Variants in MMP20 observed in about 807,000 individuals in gnomAD.
MMP20 encodes the protein matrix metallopeptidase 20.
A neutral mutation model predicts 51.8 loss-of-function variants in MMP20; 50 were observed. That is an observed-to-expected ratio of 0.97 (90% CI 0.77 to 1.22). MMP20 has a LOEUF of 1.22. Among genes scored for constraint, MMP20 ranks in the 50% most tolerant of loss-of-function variants. MMP20 has a pLI of 0.00. For synonymous variants in MMP20, 244 were observed against 216.2 expected, an observed-to-expected ratio of 1.13 and a Z score of -1.13; for missense variants, 663 against 601.4, an observed-to-expected ratio of 1.10 and a Z score of -1.07.
intron 8 of MMP20, 96 bp downstream of exon 8, chr11:102,593,343 C>CA: frequency 7.2e-7 from 1 of 1,390,606 alleles, no homozygotes; most frequent in Non-Finnish European, 1.0e-6. Context: ...GGGCCTATCG[C>CA]AAACTTGCTT....
At chr11:102,588,981 G>A (rs1859283786) in intron 8 of MMP20, among the ~76,000 whole-genome samples, 1 of 152,106 alleles carries the variant, frequency 6.6e-6, no homozygotes, top group Non-Finnish European at 1.5e-5. Context: ...ACATTGCTAG[G>A]GGAGTGTTAT....
At chr11:102,606,033 C>A (rs999527316) in intron 6 of MMP20, among the ~76,000 whole-genome samples, 5 of 152,206 alleles carry the variant, frequency 3.3e-5, no homozygotes, top group African/African-American at 7.2e-5. Flanking sequence ...ATCCATCCAT[C>A]CATCCATCCT....
In MMP20 at chr11:102,594,771, CAAAAA is replaced by C. The variant is rs144425539; in HGVS notation, c.954-19_954-15del. ...CTCCAGAAAATCCTATGGGACATTC[CAAAAA>C]AAAAAAAAAAAAAAATCAAGATCAA... On this transcript the variant is annotated splice_polypyrimidine_tract_variant and intron_variant, in intron 6 of 9. Coordinates refer to ENST00000260228, the MANE Select transcript of MMP20 (RefSeq NM_004771.4). The C allele has an allele frequency of 1.5e-4, 214 of 1,401,436 alleles. No homozygotes were observed. The highest frequency in any genetic ancestry group is 4.0e-4 in the Admixed American group (16 of 39,706). The allele number at this position is 1,401,436 out of a possible 1,614,324, so 86.8% of individuals were successfully genotyped here.
At position 102,593,213 on chromosome 11, in the gene MMP20, T is replaced by A. The variant is rs141898083; in HGVS notation, c.1247+226A>T. ...CATTGAAAGATCAGGATGTGTCAAG[T>A]CCTACAGACCAAACAATGGGATTAT... On this transcript the variant is annotated intron_variant, in intron 8 of 9. Coordinates refer to ENST00000260228, the MANE Select transcript of MMP20 (RefSeq NM_004771.4). Among the ~76,000 whole-genome samples, 470 of 152,282 alleles carry A rather than the reference T, an allele frequency of 3.1e-3. 4 individuals are homozygous for A. The highest frequency in any genetic ancestry group is 0.011 in the African/African-American group (447 of 41,548).
Position 102,593,504 on chromosome 11 carries a change from T to C in MMP20, c.1182A>G (p.Ile394Met). 6.2e-7 allele frequency: 1 copy of C among 1,614,210 alleles called. No homozygotes were observed. The highest frequency in any genetic ancestry group is 8.5e-7 in the Non-Finnish European group (1 of 1,180,016). ...DFGFPRHVQQ[I>M]DAAVYLREPQ... ...GCTCCCTGAGGTAGACAGCAGCATC[T>C]ATTTGCTGCACGTGCCTTGGAAATC... The change falls in exon 8 of 10, where the codon ATA (isoleucine) becomes ATG (methionine). Residue 394 changes from isoleucine to methionine, a missense_variant. Physicochemically the swap from Ile to Met is conservative, Grantham distance 10 (BLOSUM62 1). Transcript: ENST00000260228.
Position 102,607,046 on chromosome 11 carries a change from A to C in MMP20, c.812-370T>G, listed in dbSNP as rs17098870. 4.7e-5 allele frequency: 10 copies of C among 211,012 alleles called. No homozygotes were observed. In the South Asian group the frequency reaches 8.3e-4, roughly 17 times the overall value. The allele number at this position is 211,012 out of a possible 1,614,324, so 13.1% of individuals were successfully genotyped here. ...TTATAGAACTTCTTTGATATCTACAAGTGTTCCAAATTAGAAATGTAATTT... is the reference window on the plus strand; with the variant it reads ...TTATAGAACTTCTTTGATATCTACACGTGTTCCAAATTAGAAATGTAATTT... On this transcript the variant is annotated intron_variant, in intron 5 of 9. Transcript: ENST00000260228.
chr11:102,595,326 CCTT>C (rs1764138332), intron 6 of MMP20, among the ~76,000 whole-genome samples: 1 of 152,148 alleles, frequency 6.6e-6, no homozygotes. Flanking sequence ...GATCCCCTCT[CCTT>C]CGTTTATTTA....
rs17174291 is a variant in MMP20 at position 102,579,401 on chromosome 11, C to T, written c.1248-259G>A. ...CATCATGGCTCACCACTGCCTTGAC[C>T]TTCCAGGCTCAAGCGATCCTCCTGT... On this transcript the variant is annotated intron_variant, in intron 8 of 9. Transcript: ENST00000260228. 0.048 allele frequency among the ~76,000 whole-genome samples: 7,367 copies of T among 152,060 alleles called. 212 individuals are homozygous for T. Among genetic ancestry groups the T allele is most frequent in the Non-Finnish European group, 0.059 (3,979 of 67,972 alleles).
intron 9 of MMP20, among the ~76,000 whole-genome samples, chr11:102,578,561 C>A (rs1432793410): frequency 6.6e-6 from 1 of 152,088 alleles, no homozygotes. Flanking sequence ...CATGGTGAAA[C>A]TCCATCTCCA....
At chr11:102,618,120 T>A (rs1176577278) in intron 1 of MMP20, among the ~76,000 whole-genome samples, 1 of 152,226 alleles carries the variant, frequency 6.6e-6, no homozygotes, top group African/African-American at 2.4e-5. Context: ...AAATAGTTGT[T>A]ATACTGTATT....
chr11:102,613,192 T>G (rs1426681444), intron 2 of MMP20, among the ~76,000 whole-genome samples: 8 of 151,826 alleles, frequency 5.3e-5, no homozygotes, highest in Non-Finnish European at 1.0e-4. Flanking sequence ...GGAGTCAGAG[T>G]TGGTGATTGT....
intron 5 of MMP20, chr11:102,608,131 G>A (rs1194393708): frequency 6.6e-6 from 1 of 152,192 alleles, no homozygotes; most frequent in African/African-American, 2.4e-5. Context: ...GGGTCTCTAG[G>A]CACTGAGAAG....
intron 8 of MMP20, among the ~76,000 whole-genome samples, chr11:102,591,860 T>A (rs1445492254): frequency 6.6e-6 from 1 of 152,202 alleles, no homozygotes; most frequent in Non-Finnish European, 1.5e-5. Context: ...CTGTTAAGTT[T>A]CAATCCAGCC....
chr11:102,622,874 T>C lies in MMP20; in HGVS notation c.126+2320A>G, dbSNP rs143620815. Among the ~76,000 whole-genome samples the C allele has an allele frequency of 6.5e-3, 993 of 152,362 alleles. 10 individuals carry two copies. Among genetic ancestry groups the C allele is most frequent in the African/African-American group, 0.023 (944 of 41,584 alleles). Reference sequence around the variant, plus strand: ...TTTTATGAGGCTGATGAGGTTGTTATATAATGTTTCTATAAATTATAAGGT... The same window carrying C: ...TTTTATGAGGCTGATGAGGTTGTTACATAATGTTTCTATAAATTATAAGGT... On this transcript the variant is annotated intron_variant, in intron 1 of 9. Coordinates refer to ENST00000260228, the MANE Select transcript of MMP20 (RefSeq NM_004771.4).
intron 8 of MMP20, among the ~76,000 whole-genome samples, chr11:102,583,079 A>G (rs1003396364): frequency 6.6e-6 from 1 of 152,178 alleles, no homozygotes; most frequent in African/African-American, 2.4e-5. Flanking sequence ...CAGCATGTCA[A>G]ACTCCATATG....
intron 8 of MMP20, among the ~76,000 whole-genome samples, chr11:102,584,673 A>G (rs1859234521): frequency 6.6e-6 from 1 of 152,216 alleles, no homozygotes; most frequent in Non-Finnish European, 1.5e-5. Context: ...TATGCTTTTC[A>G]TGTTGTATCT....
At chr11:102,606,755 G>A in intron 5 of MMP20, 79 bp from the exon 6 acceptor site, 1 of 1,535,150 alleles carries the variant, frequency 6.5e-7, no homozygotes, top group Non-Finnish European at 9.0e-7. Flanking sequence ...CCCCAGGGGA[G>A]GTTGTACACT....
chr11:102,597,327 G>A (rs1264968835), intron 6 of MMP20, among the ~76,000 whole-genome samples: 1 of 152,226 alleles, frequency 6.6e-6, no homozygotes, highest in Non-Finnish European at 1.5e-5. Context: ...ATGAGAAGTA[G>A]TAAAGGGTAG....
chr11:102,579,467 C>G (rs1859168416), intron 8 of MMP20, among the ~76,000 whole-genome samples: 1 of 151,900 alleles, frequency 6.6e-6, no homozygotes, highest in South Asian at 2.1e-4. Context: ...CATGTACCAC[C>G]ACACCCTGGC....
Sources: allele counts gnomAD v4.1 joint callset (sites outside exome capture counted in the v4.1 genomes callset), GRCh38; gene constraint gnomAD v4.1.1; transcripts MANE v1.5; gene names NCBI Gene and HGNC (gene_info 2026-07-23, HGNC 2026-07-21).